PARVB: variants seen among roughly 807,000 people sequenced by gnomAD.
PARVB encodes beta-parvin.
Under a neutral mutation model 47.0 loss-of-function variants are expected in PARVB, and 46 were observed. The ratio of observed to expected loss-of-function variants is 0.98; its 90% CI spans 0.77 to 1.25. The LOEUF (loss-of-function observed/expected upper bound fraction) is 1.25, where lower values mean the gene tolerates loss of function less well. PARVB is among the 50% of genes most tolerant of loss of function. The pLI is 0.00. For missense variants in PARVB, 473 were observed against 471.6 expected (o/e 1.00, Z -0.03); for synonymous variants, 196 against 196.3 (o/e 1.00, Z 0.01).
chr22:44,024,193 T>G, upstream of PARVB: 1 of 270,956 alleles, frequency 3.7e-6, no homozygotes, highest in South Asian at 1.3e-4. Context: ...GCCTCGGGCA[T>G]CCGGGACGCC....
intron 1 of PARVB, chr22:44,086,766 G>A (rs2147021811): frequency 1.0e-6 from 1 of 985,458 alleles, no homozygotes; most frequent in East Asian, 1.1e-4. Flanking sequence ...CGTGCCTGAT[G>A]AAGTTAGTTA....
At chr22:44,091,251 G>C (rs995919362) in intron 1 of PARVB, among the ~76,000 whole-genome samples, 15 of 149,510 alleles carry the variant, frequency 1.0e-4, no homozygotes, top group Non-Finnish European at 1.9e-4. Context: ...CGGCTGGAAT[G>C]TGGGTTACCT....
chr22:44,167,452 G>A (rs1047369274), intron 12 of PARVB, among the ~76,000 whole-genome samples: 1 of 152,118 alleles, frequency 6.6e-6, no homozygotes, highest in African/African-American at 2.4e-5. Flanking sequence ...TGCTGCGTGG[G>A]GGCATCGGTG....
intron 1 of PARVB, among the ~76,000 whole-genome samples, chr22:44,091,768 G>A (rs561430045): frequency 1.3e-5 from 2 of 152,210 alleles, no homozygotes; most frequent in African/African-American, 2.4e-5. Flanking sequence ...GTGCCCGAAG[G>A]TTCCCTCGAA....
intron 1 of PARVB, among the ~76,000 whole-genome samples, chr22:44,031,732 C>T (rs2267597): frequency 0.22 from 33,730 of 151,818 alleles, 4,615 homozygotes; most frequent in African/African-American, 0.4. Flanking sequence ...CTTACCCTCG[C>T]GCTCCCTGTC....
chr22:44,150,404 G>T (rs139976454), intron 9 of PARVB: 59 of 152,370 alleles, frequency 3.9e-4, no homozygotes, highest in African/African-American at 1.4e-3. Context: ...GGGCGCTGTG[G>T]CTCACACCTG....
intron 9 of PARVB, chr22:44,150,299 G>T (rs2053775670): frequency 6.6e-6 from 1 of 152,216 alleles, no homozygotes; most frequent in Non-Finnish European, 1.5e-5. Context: ...GCTTGTGCCG[G>T]AGAGAAGCCA....
intron 1 of PARVB, among the ~76,000 whole-genome samples, chr22:44,075,050 G>C (rs58900678): frequency 0.091 from 13,836 of 152,242 alleles, 751 homozygotes; most frequent in Middle Eastern, 0.15. Context: ...CGAGGTGTCA[G>C]TTGTGACAAC....
chr22:44,099,954 G>C, intron 2 of PARVB, 99 bp from the exon 3 acceptor site: 1 of 970,184 alleles, frequency 1.0e-6, no homozygotes, highest in Non-Finnish European at 1.7e-6. Context: ...TGGGTTCTCT[G>C]CTTCTCCATT....
chr22:44,049,781 C>T lies in PARVB; in HGVS notation c.112+25330C>T, dbSNP rs186323040. ...CCTATTAAAGCAGGAGACCTCTGCC[C>T]GGGAACGGGCCATTTGGGGGCTCAG... is the stretch of plus-strand genomic sequence containing the variant. On this transcript the variant is annotated intron_variant, in intron 1 of 12. Transcript: ENST00000338758. The surrounding 1 kb of genome is among the most constrained non-coding windows in gnomAD (Gnocchi z 4.0). 2.0e-4 allele frequency among the ~76,000 whole-genome samples: 30 copies of T among 152,356 alleles called. No homozygotes were observed. In the East Asian group the frequency reaches 5.6e-3, roughly 28 times the overall value.
chr22:44,107,302 A>G (rs1168341263), intron 3 of PARVB: 1 of 152,262 alleles, frequency 6.6e-6, no homozygotes, highest in Admixed American at 6.5e-5. Flanking sequence ...CTAGAGGTTT[A>G]TAGATGAGAT....
At chr22:44,064,356 G>A (rs2051478439) in intron 1 of PARVB, among the ~76,000 whole-genome samples, 1 of 152,230 alleles carries the variant, frequency 6.6e-6, no homozygotes, top group African/African-American at 2.4e-5. Context: ...GCAATGTTAG[G>A]AAAGCAGGAA....
At position 44,131,675 on chromosome 22, in the gene PARVB, C is replaced by T. The variant is rs558888373; in HGVS notation, c.517+48C>T. ...AGGGACTGTCTGGAGGGAGCCCGTC[C>T]TCTCGACATTCGTCATCCACATTTG... On this transcript the variant is annotated intron_variant, in intron 5 of 12. Coordinates refer to ENST00000338758, the MANE Select transcript of PARVB (RefSeq NM_013327.5). 4 of 1,544,688 alleles carry T rather than the reference C, an allele frequency of 2.6e-6. No individual in the cohort carries two copies. The South Asian group carries it at 4.9e-5, about 19-fold the overall frequency.
At chr22:44,044,866 A>G (rs1037968521) in intron 1 of PARVB, among the ~76,000 whole-genome samples, 1 of 152,216 alleles carries the variant, frequency 6.6e-6, no homozygotes, top group African/African-American at 2.4e-5. Flanking sequence ...CAGTTCAAGC[A>G]TACATTTACC....
intron 1 of PARVB, among the ~76,000 whole-genome samples, chr22:44,027,222 G>A (rs1603424695): frequency 6.6e-6 from 1 of 152,314 alleles, no homozygotes; most frequent in South Asian, 2.1e-4. Context: ...CTTTACTGGG[G>A]CTTGGAGGAG....
chr22:44,133,144 G>A, intron 6 of PARVB, 135 bp downstream of exon 6: 1 of 567,324 alleles, frequency 1.8e-6, no homozygotes, highest in South Asian at 2.2e-5. Context: ...TTGACAAAAT[G>A]TGTGTCTCAC....
At chr22:44,166,689 G>T (rs1029431991) in intron 12 of PARVB, among the ~76,000 whole-genome samples, 2 of 152,238 alleles carry the variant, frequency 1.3e-5, no homozygotes, top group African/African-American at 4.8e-5. Flanking sequence ...GGCAGAGCTG[G>T]TCTGCAGTGC....
intron 1 of PARVB, among the ~76,000 whole-genome samples, chr22:44,081,937 C>T (rs560517804): frequency 3.3e-5 from 5 of 152,238 alleles, no homozygotes; most frequent in South Asian, 2.1e-4. Flanking sequence ...TGAAAGCCAG[C>T]GTGATGGGTT....
At chr22:44,069,383 T>C (rs1247744474) in intron 1 of PARVB, among the ~76,000 whole-genome samples, 1 of 152,168 alleles carries the variant, frequency 6.6e-6, no homozygotes, top group Non-Finnish European at 1.5e-5. Flanking sequence ...GTCTGACTTG[T>C]GGAGTGAAAT....
Sources: gnomAD v4.1 joint callset for allele counts (sites outside exome capture counted in the v4.1 genomes callset) on GRCh38, gnomAD v4.1.1 for gene constraint, Gnocchi (gnomAD v3.1) non-coding constraint, MANE v1.5 for transcripts, NCBI Gene and HGNC (gene_info 2026-07-23, HGNC 2026-07-21) for gene names.